The following MDGA2 variants were observed in gnomAD, a reference collection of about 807,000 sequenced individuals.
MDGA2 encodes the protein MAM domain containing glycosylphosphatidylinositol anchor 2.
MDGA2 carries 40 observed loss-of-function variants against 117.8 expected under a neutral mutation model. That is an observed-to-expected ratio of 0.34 (90% CI 0.26 to 0.44). The LOEUF is 0.44. Among genes scored for constraint, MDGA2 ranks in the 20% least tolerant of loss-of-function variants. The pLI is 1.00. For missense variants in MDGA2, 1,123 were observed against 1,250.6 expected, an observed-to-expected ratio of 0.90 and a Z score of 1.54; for synonymous variants, 452 against 439.0, an observed-to-expected ratio of 1.03 and a Z score of -0.37.
chr14:47,488,608 C>G (rs1442749748), intron 1 of MDGA2, among the ~76,000 whole-genome samples: 1 of 151,974 alleles, frequency 6.6e-6, no homozygotes, highest in East Asian at 1.9e-4. Context: ...TGAAGAAACA[C>G]CTCATAAATG....
intron 1 of MDGA2, among the ~76,000 whole-genome samples, chr14:47,642,068 A>G (rs954806471): frequency 2.6e-5 from 4 of 152,082 alleles, no homozygotes; most frequent in Non-Finnish European, 4.4e-5. Flanking sequence ...GTGGGGTAAA[A>G]TAAGGAGGGG....
At chr14:46,852,187 T>C (rs916049249) in intron 15 of MDGA2, among the ~76,000 whole-genome samples, 1 of 151,886 alleles carries the variant, frequency 6.6e-6, no homozygotes, top group African/African-American at 2.4e-5. Context: ...AAATACAGAT[T>C]GTTCCATTTG....
chr14:47,009,023 T>C (rs1887806395), intron 8 of MDGA2, among the ~76,000 whole-genome samples: 1 of 151,964 alleles, frequency 6.6e-6, no homozygotes, highest in Non-Finnish European at 1.5e-5. Flanking sequence ...AACTCATAAA[T>C]AAAATAATGT....
At position 46,840,229 on chromosome 14, in the gene MDGA2, C is replaced by T. The variant is rs1880552542; in HGVS notation, c.*1702G>A. 1 of 152,318 alleles carries T rather than the reference C, an allele frequency of 6.6e-6. No homozygotes were observed. The highest frequency in any genetic ancestry group is 1.5e-5 in the Non-Finnish European group (1 of 67,896). 9.4% of individuals were successfully genotyped at this position (152,318 alleles called of 1,614,324 possible). A position where few individuals can be genotyped will look rare whatever the true frequency, so the allele number is the denominator to read the frequency against. ...TCATTTTCCACTACATTTTGTTGTG[C>T]TTTTATATTAATATTTGCAAATGCT... On this transcript the variant is annotated 3_prime_UTR_variant, in exon 17 of 17. Transcript: ENST00000399232.
At chr14:47,403,507 T>C (rs1039355263) in intron 1 of MDGA2, among the ~76,000 whole-genome samples, 1 of 152,172 alleles carries the variant, frequency 6.6e-6, no homozygotes, top group Non-Finnish European at 1.5e-5. Context: ...CTAGGTGCTG[T>C]CCGTTAAACT....
chr14:46,888,790 C>A (rs1882765653), intron 10 of MDGA2, among the ~76,000 whole-genome samples: 1 of 150,564 alleles, frequency 6.6e-6, no homozygotes, highest in African/African-American at 2.4e-5. Context: ...TAAGTAAAAA[C>A]TAAAATAGAA....
chr14:47,627,743 C>G (rs927586314), intron 1 of MDGA2, among the ~76,000 whole-genome samples: 1 of 152,178 alleles, frequency 6.6e-6, no homozygotes, highest in Non-Finnish European at 1.5e-5. Flanking sequence ...TCCCCTTCCA[C>G]ATTGTGGAAG....
intron 9 of MDGA2, among the ~76,000 whole-genome samples, chr14:46,944,781 T>C (rs1221116378): frequency 6.6e-6 from 1 of 151,984 alleles, no homozygotes; most frequent in Non-Finnish European, 1.5e-5. Context: ...TCAATTTGCA[T>C]CTAGTTGTTT....
chr14:46,902,575 T>G (rs1883329820), intron 10 of MDGA2, among the ~76,000 whole-genome samples: 1 of 152,200 alleles, frequency 6.6e-6, no homozygotes, highest in African/African-American at 2.4e-5. Context: ...ACTAAGGTTT[T>G]GTTTTGTTTT....
chr14:47,182,762 C>T (rs72680228), intron 3 of MDGA2, among the ~76,000 whole-genome samples: 6,055 of 152,238 alleles, frequency 0.04, 195 homozygotes, highest in East Asian at 0.12. Context: ...AGAACTATAA[C>T]TGATACAGTT....
At chr14:47,306,437 C>CT (rs1225845008) in intron 1 of MDGA2, among the ~76,000 whole-genome samples, 39 of 152,248 alleles carry the variant, frequency 2.6e-4, no homozygotes, top group African/African-American at 9.4e-4. Flanking sequence ...GATGAAGAAA[C>CT]TTTTTTCAGT....
intron 1 of MDGA2, among the ~76,000 whole-genome samples, chr14:47,493,791 G>A (rs898411393): frequency 6.6e-6 from 1 of 151,996 alleles, no homozygotes; most frequent in Non-Finnish European, 1.5e-5. Flanking sequence ...TATAACAAAT[G>A]CAATTTTTGA....
chr14:47,127,996 T>C (rs1396049910), intron 5 of MDGA2, among the ~76,000 whole-genome samples: 3 of 152,290 alleles, frequency 2.0e-5, no homozygotes, highest in Non-Finnish European at 4.4e-5. Flanking sequence ...GCTGTCAGTC[T>C]CCTATTTAGA....
intron 1 of MDGA2, among the ~76,000 whole-genome samples, chr14:47,356,472 T>C (rs182686401): frequency 4.0e-4 from 61 of 152,310 alleles, no homozygotes; most frequent in African/African-American, 1.4e-3. Context: ...TCCCATGTTA[T>C]AGCTGGTAGA....
chr14:47,094,110 G>GT (rs11380743), intron 6 of MDGA2, among the ~76,000 whole-genome samples: 14,356 of 151,950 alleles, frequency 0.094, 805 homozygotes, highest in African/African-American at 0.15. Flanking sequence ...TATTGTAGTG[G>GT]TTTTTCTCCC....
intron 7 of MDGA2, among the ~76,000 whole-genome samples, chr14:47,048,586 C>T (rs1358544386): frequency 6.6e-6 from 1 of 151,996 alleles, no homozygotes; most frequent in Non-Finnish European, 1.5e-5. Flanking sequence ...GATTGTATAC[C>T]ACTGAATATG....
chr14:47,312,371 T>C (rs1266641759), intron 1 of MDGA2, among the ~76,000 whole-genome samples: 2 of 152,136 alleles, frequency 1.3e-5, no homozygotes, highest in African/African-American at 4.8e-5. Flanking sequence ...ACAAGCACTT[T>C]TACCATTTTG....
At chr14:47,512,742 C>A (rs1460474735) in intron 1 of MDGA2, among the ~76,000 whole-genome samples, 1 of 152,050 alleles carries the variant, frequency 6.6e-6, no homozygotes, top group Non-Finnish European at 1.5e-5. Context: ...CACTCAAAAT[C>A]CATGGCTTTT....
chr14:47,555,258 T>A (rs1895661432), intron 1 of MDGA2, among the ~76,000 whole-genome samples: 1 of 152,196 alleles, frequency 6.6e-6, no homozygotes, highest in Non-Finnish European at 1.5e-5. Flanking sequence ...ACTTTGATTT[T>A]CATTGCTTTA....
Sources: allele counts gnomAD v4.1 joint callset (sites outside exome capture counted in the v4.1 genomes callset), GRCh38; gene constraint gnomAD v4.1.1; transcripts MANE v1.5; gene names NCBI Gene and HGNC (gene_info 2026-07-23, HGNC 2026-07-21).